PRRC2C: variants seen among roughly 807,000 people sequenced by gnomAD.
The protein encoded by PRRC2C is proline rich coiled-coil 2C, also known as protein PRRC2C.
In PRRC2C, 72 loss-of-function variants were observed where a neutral mutation model predicts 317.2. The ratio of observed to expected loss-of-function variants is 0.23; its 90% CI spans 0.19 to 0.28. The LOEUF is 0.28. Among genes scored for constraint, PRRC2C ranks in the 10% least tolerant of loss-of-function variants. The pLI, the probability that PRRC2C is intolerant of heterozygous loss-of-function variation, is 1.00. For missense variants in PRRC2C, 3,074 were observed against 3,459.7 expected (o/e 0.89, Z 2.80); for synonymous variants, 1,296 against 1,205.9 (o/e 1.07, Z -1.55).
At chr1:171,586,755 AT>A (rs1194800520) in intron 30 of PRRC2C, among the ~76,000 whole-genome samples, 340 of 135,916 alleles carry the variant, frequency 2.5e-3, no homozygotes, top group Middle Eastern at 3.9e-3. Context: ...TAATTTTCGT[AT>A]TTTTTTTTTT....
chr1:171,555,735 G>A (rs749119808), intron 18 of PRRC2C, among the ~76,000 whole-genome samples: 22 of 152,144 alleles, frequency 1.4e-4, no homozygotes, highest in Non-Finnish European at 2.4e-4. Flanking sequence ...TCAGCTGCAG[G>A]TCTGTTGGAA....
intron 1 of PRRC2C, among the ~76,000 whole-genome samples, chr1:171,508,763 A>G (rs766871509): frequency 2.0e-5 from 3 of 152,032 alleles, no homozygotes. Flanking sequence ...TCTCTAGTGA[A>G]TTGTCTGTTC....
chr1:171,569,430 C>G (rs1424251147), intron 23 of PRRC2C, among the ~76,000 whole-genome samples: 1 of 150,882 alleles, frequency 6.6e-6, no homozygotes, highest in African/African-American at 2.4e-5. Context: ...AGCTGAAGGA[C>G]TGTACTAAAT....
At position 171,540,524 on chromosome 1, in the gene PRRC2C, A is replaced by C. The variant is rs959100577; in HGVS notation, c.3058A>C (p.Lys1020Gln). The change falls in exon 16 of 35, where the codon AAA (lysine) becomes CAA (glutamine). Residue 1020 changes from lysine to glutamine, a missense_variant. Transcript: ENST00000647382. The part of the protein sequence containing the change: ...RPVRRSGPIK[K>Q]PVLRDMKEER... ...TGTGAGAAGATCAGGTCCCATTAAAAAACCTGTACTTAGAGATATGAAAGA... is the reference window on the plus strand; with the variant it reads ...TGTGAGAAGATCAGGTCCCATTAAACAACCTGTACTTAGAGATATGAAAGA... The C allele has an allele frequency of 2.5e-6, 4 of 1,613,400 alleles. No individual in the cohort carries two copies. Among genetic ancestry groups the C allele is most frequent in the Non-Finnish European group, 3.4e-6 (4 of 1,179,758 alleles).
intron 1 of PRRC2C, among the ~76,000 whole-genome samples, chr1:171,504,760 C>G (rs1669860667): frequency 1.3e-5 from 2 of 152,088 alleles, no homozygotes; most frequent in African/African-American, 4.8e-5. Flanking sequence ...TGGTGCTGTT[C>G]TAGAGCCAGT....
chr1:171,489,006 G>T (rs1666633354), intron 1 of PRRC2C, among the ~76,000 whole-genome samples: 1 of 151,954 alleles, frequency 6.6e-6, no homozygotes, highest in African/African-American at 2.4e-5. Context: ...CATACTATCT[G>T]GTAATTTTTC....
At chr1:171,524,776 G>C in intron 9 of PRRC2C, 45 bp from the exon 10 acceptor site, 1 of 1,497,070 alleles carries the variant, frequency 6.7e-7, no homozygotes, top group Non-Finnish European at 8.9e-7. Flanking sequence ...GTGTACTTAT[G>C]ATACAGTTGG....
rs760248556 is a variant in PRRC2C at position 171,535,520 on chromosome 1, C to G, written c.1966C>G (p.Gln656Glu). ...VHETEPESGS[Q>E]PRPAVLSGYF... ...TGAAACAGAACCAGAATCAGGGTCTCAACCTCGGCCGGCTGTATTATCTGG... is the reference window on the plus strand; with the variant it reads ...TGAAACAGAACCAGAATCAGGGTCTGAACCTCGGCCGGCTGTATTATCTGG... The change falls in exon 13 of 35, where the codon CAA (glutamine) becomes GAA (glutamate). Residue 656 changes from glutamine (Q) to glutamate (E), a missense_variant. Physicochemically the swap from Gln to Glu is conservative, Grantham distance 29. Transcript: ENST00000647382. 106 of 1,613,902 alleles carry G rather than the reference C, an allele frequency of 6.6e-5. No homozygotes were observed. Among genetic ancestry groups the G allele is most frequent in the Middle Eastern group, 1.6e-4 (1 of 6,084 alleles).
At chr1:171,521,357 G>T (rs1205250573) in intron 6 of PRRC2C, among the ~76,000 whole-genome samples, 3 of 152,098 alleles carry the variant, frequency 2.0e-5, no homozygotes, top group Admixed American at 6.5e-5. Context: ...TGAATCCCTT[G>T]GTGTTATTTG....
At chr1:171,570,786 G>T (rs1467293799) in intron 23 of PRRC2C, among the ~76,000 whole-genome samples, 1 of 152,128 alleles carries the variant, frequency 6.6e-6, no homozygotes, top group African/African-American at 2.4e-5. Context: ...TAACCATATT[G>T]CAGGAAAGAG....
In PRRC2C at chr1:171,542,141, A is replaced by C; in HGVS notation, c.4675A>C (p.Asn1559His). 1 of 1,612,290 alleles carries C rather than the reference A, an allele frequency of 6.2e-7. No individual in the cohort carries two copies. Among genetic ancestry groups the C allele is most frequent in the Non-Finnish European group, 8.5e-7 (1 of 1,179,168 alleles). The change falls in exon 16 of 35, where the codon AAC becomes CAC. Residue 1559 changes from asparagine to histidine, a missense_variant. Asn to His is a moderately conservative substitution (Grantham distance 68). This residue lies in a region of PRRC2C where 178 missense variants were observed against 163.0 expected (regional missense o/e 1.09). Coordinates refer to ENST00000647382, the MANE Select transcript of PRRC2C (RefSeq NM_001387844.1). ...AGTAGATCGTCAGAATCGACGTGGC[A>C]ACAATGGTCCACCCAAATCAGGAAG... ...RPVDRQNRRGNNGPPKSGRNF... is the reference protein window; with the variant it reads ...RPVDRQNRRGHNGPPKSGRNF...
intron 11 of PRRC2C, among the ~76,000 whole-genome samples, chr1:171,530,243 CTT>C (rs778215422): frequency 3.2e-5 from 2 of 63,326 alleles, no homozygotes; most frequent in East Asian, 5.0e-4. Flanking sequence ...TGTAGCTGGG[CTT>C]TTTTTTTTTT....
intron 1 of PRRC2C, among the ~76,000 whole-genome samples, chr1:171,507,935 T>G (rs1045631164): frequency 6.6e-6 from 1 of 152,224 alleles, no homozygotes; most frequent in African/African-American, 2.4e-5. Context: ...TTTCTTGATT[T>G]CCTTTTCATC....
chr1:171,569,948 G>A (rs1299042054), intron 23 of PRRC2C, among the ~76,000 whole-genome samples: 2 of 152,010 alleles, frequency 1.3e-5, no homozygotes, highest in African/African-American at 4.8e-5. Context: ...GATGGTTTCT[G>A]TGTGATCTGT....
In PRRC2C at chr1:171,523,206, C is replaced by T. The variant is rs1206440599; in HGVS notation, c.834-15C>T. On this transcript the variant is annotated splice_polypyrimidine_tract_variant and intron_variant, in intron 7 of 34. Transcript: ENST00000647382. ...ATAAACTTTTGTATCTTTTCCATGA[C>T]CTGCCTTTCATTAGAGGCCTTCGAG... 1 of 1,590,222 alleles carries T rather than the reference C, an allele frequency of 6.3e-7. No homozygotes were observed. Among genetic ancestry groups the T allele is most frequent in the South Asian group, 1.1e-5 (1 of 87,574 alleles).
rs1442820812 is a variant in PRRC2C, at chr1:171,577,619, G to T, written c.7141G>T (p.Val2381Leu). The T allele has an allele frequency of 1.9e-6, 3 of 1,612,982 alleles. No homozygotes were observed. In the African/African-American group the frequency reaches 4.0e-5, roughly 22 times the overall value. The stretch of plus-strand genomic sequence containing the variant: ...GCAGCAACAGAATCCGCAAGTTTAT[G>T]TGTCTCAGTCTGCAGCAGGTAATGT... ...AQQQQNPQVY[V>L]SQSAAAQIPA... The change falls in exon 26 of 35, where the codon GTG becomes TTG. Residue 2381 changes from valine (V) to leucine (L), a missense_variant. By Grantham distance (32) the Val-to-Leu change is conservative. Transcript: ENST00000647382.
chr1:171,563,025 G>T (rs1682988051), intron 20 of PRRC2C, among the ~76,000 whole-genome samples: 1 of 152,138 alleles, frequency 6.6e-6, no homozygotes, highest in South Asian at 2.1e-4. Flanking sequence ...GATGGCTGCT[G>T]GTAGGTCAAG....
intron 9 of PRRC2C, 44 bp downstream of exon 9, chr1:171,523,566 A>G (rs765334911): frequency 6.9e-7 from 1 of 1,444,256 alleles, no homozygotes; most frequent in Admixed American, 1.8e-5. Flanking sequence ...GAATTTGTTG[A>G]TACAATATTA....
chr1:171,529,289 C>T (rs541741207), intron 11 of PRRC2C, among the ~76,000 whole-genome samples: 1 of 152,110 alleles, frequency 6.6e-6, no homozygotes, highest in East Asian at 1.9e-4. Context: ...TACATTTAGC[C>T]TGAAAAGCTT....
Sources: gnomAD v4.1 joint callset for allele counts (sites outside exome capture counted in the v4.1 genomes callset) on GRCh38, gnomAD v4.1.1 for gene constraint, gnomAD v4.1.1 regional missense constraint, MANE v1.5 for transcripts, NCBI Gene and HGNC (gene_info 2026-07-23, HGNC 2026-07-21) for gene names.